The following SHISA9 variants were observed in gnomAD, a reference collection of about 807,000 sequenced individuals.
SHISA9 encodes shisa family member 9, also known as protein shisa-9.
Under a neutral mutation model 38.0 loss-of-function variants are expected in SHISA9, and 13 were observed. The observed-to-expected ratio is 0.34, with a 90% confidence interval of 0.22 to 0.54. The LOEUF (loss-of-function observed/expected upper bound fraction) is 0.54, where lower values mean the gene tolerates loss of function less well. Ranked by LOEUF, SHISA9 falls within the 20% of genes least tolerant of loss-of-function variation. SHISA9 has a pLI of 0.91. For synonymous variants in SHISA9, 275 were observed against 242.0 expected, an observed-to-expected ratio of 1.14 and a Z score of -1.27; for missense variants, 538 against 575.8, an observed-to-expected ratio of 0.93 and a Z score of 0.67.
intron 2 of SHISA9, among the ~76,000 whole-genome samples, chr16:13,010,645 C>T (rs908458188): frequency 6.6e-6 from 1 of 152,146 alleles, no homozygotes; most frequent in African/African-American, 2.4e-5. Context: ...GAGTATCTGG[C>T]TTTTGAAAAA....
the SHISA9 span, among the ~76,000 whole-genome samples, chr16:13,542,975 T>C: frequency 1.4e-4 from 22 of 152,226 alleles, no homozygotes; most frequent in African/African-American, 5.3e-4. Flanking sequence ...ATAGTGATTT[T>C]AACCTTAGTC....
the SHISA9 span, chr16:13,350,762 G>GA: frequency 6.6e-6 from 1 of 152,154 alleles, no homozygotes; most frequent in Non-Finnish European, 1.5e-5. Flanking sequence ...AAAGAGTGAG[G>GA]AAAAAACTGA....
the SHISA9 span, among the ~76,000 whole-genome samples, chr16:13,282,137 T>C: frequency 0.082 from 12,457 of 152,016 alleles, 583 homozygotes; most frequent in South Asian, 0.18. Flanking sequence ...ATATTATTTC[T>C]CTTTGGCTTG....
At chr16:13,268,542 T>G in the SHISA9 span, among the ~76,000 whole-genome samples, 2 of 152,192 alleles carry the variant, frequency 1.3e-5, no homozygotes, top group Middle Eastern at 3.4e-3. Context: ...AATGTCCCTT[T>G]GAGAAATTCA....
intron 2 of SHISA9, among the ~76,000 whole-genome samples, chr16:12,922,286 A>G (rs886841678): frequency 6.6e-6 from 1 of 152,240 alleles, no homozygotes; most frequent in African/African-American, 2.4e-5. Context: ...GCAAGTTACT[A>G]CATGGTTTGA....
At chr16:13,076,723 G>A (rs554831779) in intron 2 of SHISA9, among the ~76,000 whole-genome samples, 77 of 152,220 alleles carry the variant, frequency 5.1e-4, no homozygotes, top group African/African-American at 1.7e-3. Context: ...ATGTGACATC[G>A]GCAATAGCCT....
chr16:13,036,830 C>T (rs1333819980), intron 2 of SHISA9, among the ~76,000 whole-genome samples: 1 of 151,754 alleles, frequency 6.6e-6, no homozygotes, highest in Non-Finnish European at 1.5e-5. Context: ...AAGTAGTTAG[C>T]ACAAATCTGG....
At chr16:13,166,549 A>G (rs1000833786) in intron 2 of SHISA9, among the ~76,000 whole-genome samples, 7 of 152,042 alleles carry the variant, frequency 4.6e-5, no homozygotes, top group African/African-American at 1.7e-4. Context: ...ACTTTTCTCC[A>G]TAGCCTCAGT....
chr16:13,054,352 C>A (rs1188235035), intron 2 of SHISA9, among the ~76,000 whole-genome samples: 1 of 152,180 alleles, frequency 6.6e-6, no homozygotes, highest in African/African-American at 2.4e-5. Context: ...CACTGTTGGG[C>A]CTCAGTGACT....
intron 2 of SHISA9, among the ~76,000 whole-genome samples, chr16:13,174,655 G>A (rs1366911821): frequency 6.6e-6 from 1 of 152,212 alleles, no homozygotes; most frequent in Non-Finnish European, 1.5e-5. Context: ...GGACTTGAGA[G>A]GGTGAGTAGC....
chr16:13,094,691 T>G (rs1371044145), intron 2 of SHISA9, among the ~76,000 whole-genome samples: 1 of 152,206 alleles, frequency 6.6e-6, no homozygotes, highest in Admixed American at 6.5e-5. Flanking sequence ...CTTCTAGACC[T>G]GTCTCCTGAT....
chr16:13,265,635 C>T, the SHISA9 span, among the ~76,000 whole-genome samples: 1 of 141,588 alleles, frequency 7.1e-6, no homozygotes, highest in Non-Finnish European at 1.5e-5. Context: ...CTCTTCTCTT[C>T]TCTCCTCTCC....
At chr16:13,225,846 A>G (rs1013399174) in intron 4 of SHISA9, among the ~76,000 whole-genome samples, 1 of 152,178 alleles carries the variant, frequency 6.6e-6, no homozygotes, top group Non-Finnish European at 1.5e-5. Flanking sequence ...GGTATAGTTT[A>G]ATTTTACAGC....
Position 12,936,261 on chromosome 16 carries a change from G to T in SHISA9, c.691+19446G>T, listed in dbSNP as rs376059689. ...GTCCTTGTTCCCACCCTTCTCCAAA[G>T]CCTTTTGAGGGTTGCTAGGAAACTG... On this transcript the variant is annotated intron_variant, in intron 2 of 4. Transcript: ENST00000558583. Among the ~76,000 whole-genome samples, 9 of 152,310 alleles carry T rather than the reference G, an allele frequency of 5.9e-5. No individual in the cohort carries two copies. The East Asian group carries it at 1.5e-3, about 26-fold the overall frequency.
the SHISA9 span, among the ~76,000 whole-genome samples, chr16:13,294,780 C>T: frequency 1.3e-5 from 2 of 151,996 alleles, no homozygotes; most frequent in Non-Finnish European, 2.9e-5. Context: ...ATACAATGAG[C>T]GAATTGAGTT....
At chr16:13,526,206 C>T in the SHISA9 span, among the ~76,000 whole-genome samples, 5 of 152,154 alleles carry the variant, frequency 3.3e-5, no homozygotes, top group East Asian at 1.9e-4. Flanking sequence ...GTTATCAAAA[C>T]GGGTCTTCAT....
chr16:13,110,762 T>G (rs2141966586), intron 2 of SHISA9, among the ~76,000 whole-genome samples: 1 of 152,274 alleles, frequency 6.6e-6, no homozygotes, highest in Non-Finnish European at 1.5e-5. Context: ...AGCTGGGGAA[T>G]TTGGTCTCAG....
At chr16:13,061,493 A>G (rs571833217) in intron 2 of SHISA9, among the ~76,000 whole-genome samples, 1 of 152,310 alleles carries the variant, frequency 6.6e-6, no homozygotes, top group South Asian at 2.1e-4. Context: ...AGGTTTATGC[A>G]CTGTCCGGAT....
downstream of SHISA9, among the ~76,000 whole-genome samples, chr16:13,242,034 T>G (rs2051439324): frequency 6.6e-6 from 1 of 152,214 alleles, no homozygotes; most frequent in Non-Finnish European, 1.5e-5. Flanking sequence ...CATAGCAAGC[T>G]TATTTGCAGA....
Sources: gnomAD v4.1 joint callset for allele counts (sites outside exome capture counted in the v4.1 genomes callset) on GRCh38, gnomAD v4.1.1 for gene constraint, MANE v1.5 for transcripts, NCBI Gene and HGNC (gene_info 2026-07-23, HGNC 2026-07-21) for gene names.